The following SLC9B2 variants were observed in gnomAD, a reference collection of about 807,000 sequenced individuals.
The protein encoded by SLC9B2 is solute carrier family 9 member B2.
SLC9B2 carries 39 observed loss-of-function variants against 52.2 expected under a neutral mutation model. That is an observed-to-expected ratio of 0.75 (90% CI 0.58 to 0.98). SLC9B2 has a LOEUF of 0.98. Among genes scored for constraint, SLC9B2 ranks in the 50% least tolerant of loss-of-function variants. SLC9B2 has a pLI of 0.00. For missense variants in SLC9B2, 626 were observed against 637.5 expected, an observed-to-expected ratio of 0.98 and a Z score of 0.19; for synonymous variants, 214 against 227.0, an observed-to-expected ratio of 0.94 and a Z score of 0.51.
At chr4:103,046,759 G>GTCTCCACACAT (rs1335817124) in intron 7 of SLC9B2, among the ~76,000 whole-genome samples, 89 of 151,400 alleles carry the variant, frequency 5.9e-4, no homozygotes, top group Middle Eastern at 3.4e-3. Context: ...TTTGTGTGAA[G>GTCTCCACACAT]CCTGAACGTT....
At chr4:103,036,500 C>T (rs1394069404) in intron 9 of SLC9B2, among the ~76,000 whole-genome samples, 1 of 151,902 alleles carries the variant, frequency 6.6e-6, no homozygotes, top group East Asian at 1.9e-4. Context: ...ACATGTACCC[C>T]TTGAACCTAA....
intron 4 of SLC9B2, among the ~76,000 whole-genome samples, chr4:103,052,086 C>T (rs747148620): frequency 6.6e-6 from 1 of 152,220 alleles, no homozygotes; most frequent in Non-Finnish European, 1.5e-5. Context: ...AAGAGGTGAG[C>T]TAGACCAGCA....
At position 103,028,808 on chromosome 4, in the gene SLC9B2, C is replaced by T. The variant is rs773962645; in HGVS notation, c.1331G>A (p.Gly444Asp). 1 of 1,609,980 alleles carries T rather than the reference C, an allele frequency of 6.2e-7. No individual in the cohort carries two copies. Among genetic ancestry groups the T allele is most frequent in the East Asian group, 2.2e-5 (1 of 44,476 alleles). Residue 444 changes from glycine to aspartate, a missense_variant, in exon 11 of 12, where the codon GGT becomes GAT. By Grantham distance (94) the Gly-to-Asp change is moderately conservative. Coordinates refer to ENST00000394785, the MANE Select transcript of SLC9B2 (RefSeq NM_178833.7). ...LTTFLMVCFAGFNLKEKIFIS... is the reference protein window; with the variant it reads ...LTTFLMVCFADFNLKEKIFIS... ...AAATATCTTTTCTTTTAAGTTAAAACCAGCAAAACACACCATCAGAAATGT... is the reference window on the plus strand; with the variant it reads ...AAATATCTTTTCTTTTAAGTTAAAATCAGCAAAACACACCATCAGAAATGT...
chr4:103,028,894 T>C lies in SLC9B2; in HGVS notation c.1256-11A>G, dbSNP rs377038113. ...TGGCAACACAAAGGCCTGTAAGAAA[T>C]ATTCAATTTTTAGAAATAATAAAAT... On this transcript the variant is annotated splice_polypyrimidine_tract_variant and intron_variant, in intron 10 of 11. Coordinates refer to ENST00000394785, the MANE Select transcript of SLC9B2 (RefSeq NM_178833.7). 1.3e-6 allele frequency: 2 copies of C among 1,517,842 alleles called. No individual in the cohort carries two copies. The highest frequency in any genetic ancestry group is 2.9e-5 in the African/African-American group (2 of 68,914). 94.0% of individuals were successfully genotyped at this position (1,517,842 alleles called of 1,614,324 possible). A position where few individuals can be genotyped will look rare whatever the true frequency, so the allele number is the denominator to read the frequency against.
intron 7 of SLC9B2, 68 bp downstream of exon 7, chr4:103,046,983 G>T: frequency 1.3e-6 from 2 of 1,520,312 alleles, no homozygotes; most frequent in Non-Finnish European, 1.8e-6. Flanking sequence ...AATATGTCAT[G>T]CTTATAACAT....
chr4:103,035,248 T>G (rs1357875868), intron 9 of SLC9B2, among the ~76,000 whole-genome samples: 1 of 152,180 alleles, frequency 6.6e-6, no homozygotes, highest in Non-Finnish European at 1.5e-5. Flanking sequence ...GGTTTTCTGT[T>G]TCTGTGTTAG....
chr4:103,022,765 C>G lies in SLC9B2; in HGVS notation c.*3605G>C, dbSNP rs1741886598. Among the ~76,000 whole-genome samples, 1 of 152,138 alleles carries G rather than the reference C, an allele frequency of 6.6e-6. No homozygotes were observed. The highest frequency in any genetic ancestry group is 1.5e-5 in the Non-Finnish European group (1 of 68,024). ...TCCCCACACATTCATATGTTGAAGC[C>G]TTAACTTCCAATGTGATGTATTTAG... On this transcript the variant is annotated 3_prime_UTR_variant, in exon 12 of 12. Transcript: ENST00000394785.
intron 10 of SLC9B2, among the ~76,000 whole-genome samples, chr4:103,031,311 A>G (rs562254926): frequency 6.6e-6 from 1 of 152,290 alleles, no homozygotes; most frequent in African/African-American, 2.4e-5. Context: ...AGGCATTTCT[A>G]TCCCATGGGT....
intron 5 of SLC9B2, 82 bp downstream of exon 5, chr4:103,050,158 A>G: frequency 1.6e-6 from 2 of 1,249,526 alleles, no homozygotes; most frequent in Non-Finnish European, 2.1e-6. Context: ...TCCATTTCCT[A>G]ATGCTTAGTG....
chr4:103,062,257 C>T (rs1745716115), intron 3 of SLC9B2, among the ~76,000 whole-genome samples: 1 of 151,974 alleles, frequency 6.6e-6, no homozygotes, highest in Non-Finnish European at 1.5e-5. Context: ...CCCGTCTCTA[C>T]TAAATACAAA....
At chr4:103,073,374 T>C (rs1406256683) in intron 1 of SLC9B2, among the ~76,000 whole-genome samples, 3 of 152,308 alleles carry the variant, frequency 2.0e-5, no homozygotes, top group Middle Eastern at 6.8e-3. Flanking sequence ...TATTTCTACA[T>C]AGAACATACA....
At chr4:103,058,122 C>T in intron 3 of SLC9B2, 151 bp from the exon 4 acceptor site, 1 of 737,156 alleles carries the variant, frequency 1.4e-6, no homozygotes, top group Admixed American at 3.2e-5. Context: ...GTAAGATGAC[C>T]AACTGGGTAA....
intron 3 of SLC9B2, among the ~76,000 whole-genome samples, chr4:103,058,966 C>G (rs1395217123): frequency 6.6e-6 from 1 of 151,988 alleles, no homozygotes; most frequent in Non-Finnish European, 1.5e-5. Flanking sequence ...ACTCGGGAAG[C>G]TGAGGCAGGA....
At chr4:103,065,178 ACG>A (rs1345507048) in intron 3 of SLC9B2, among the ~76,000 whole-genome samples, 15 of 83,782 alleles carry the variant, frequency 1.8e-4, no homozygotes, top group Non-Finnish European at 2.5e-4. Context: ...ATGTACACAC[ACG>A]CACACACACA....
At chr4:103,056,278 G>A (rs1252564470) in intron 4 of SLC9B2, among the ~76,000 whole-genome samples, 5 of 150,648 alleles carry the variant, frequency 3.3e-5, no homozygotes, top group Admixed American at 6.6e-5. Context: ...ATGGAGTCTC[G>A]CTCTTGTCAC....
Position 103,049,005 on chromosome 4 carries a change from T to G in SLC9B2, c.601A>C (p.Lys201Gln), listed in dbSNP as rs1194551484. Residue 201 changes from lysine (K) to glutamine (Q), a missense_variant, in exon 6 of 12, where the codon AAG (lysine) becomes CAG (glutamine). By Grantham distance (53) the Lys-to-Gln change is moderately conservative. Coordinates refer to ENST00000394785, the MANE Select transcript of SLC9B2 (RefSeq NM_178833.7). ...ATGGACAGTCTTACACAAACGCCCTTTAACTTCTTCAGGGCCTGAAATAGA... is the reference window on the plus strand; with the variant it reads ...ATGGACAGTCTTACACAAACGCCCTGTAACTTCTTCAGGGCCTGAAATAGA... Reference protein sequence around the residue: ...GLDSKALKKLKGVCVRLSMGP... With the variant: ...GLDSKALKKLQGVCVRLSMGP... 1.2e-6 allele frequency: 2 copies of G among 1,613,618 alleles called. No homozygotes were observed. Among genetic ancestry groups the G allele is most frequent in the Non-Finnish European group, 1.7e-6 (2 of 1,179,706 alleles).
At chr4:103,075,198 G>C (rs1747006474) in intron 1 of SLC9B2, among the ~76,000 whole-genome samples, 1 of 151,980 alleles carries the variant, frequency 6.6e-6, no homozygotes, top group African/African-American at 2.4e-5. Context: ...CACCTAGGCT[G>C]GAGTGCAGTG....
At chr4:103,020,328 T>C (rs548632902), downstream of SLC9B2, 12 of 451,512 alleles carry the variant, frequency 2.7e-5, no homozygotes, top group African/African-American at 2.4e-4. Flanking sequence ...GCTGCGTTGA[T>C]GGTGGGCCCA....
At position 103,022,414 on chromosome 4, in the gene SLC9B2, T is replaced by C. The variant is rs1741852871; in HGVS notation, c.*3956A>G. On this transcript the variant is annotated 3_prime_UTR_variant, in exon 12 of 12. Coordinates refer to ENST00000394785, the MANE Select transcript of SLC9B2 (RefSeq NM_178833.7). The stretch of plus-strand genomic sequence containing the variant: ...GTTGCCTTTCACCCAACAAATTCAG[T>C]TGATGATATATCTTTCTGAAAATAA... Among the ~76,000 whole-genome samples the C allele has an allele frequency of 6.6e-6, 1 of 152,220 alleles. No individual in the cohort carries two copies. Among genetic ancestry groups the C allele is most frequent in the African/African-American group, 2.4e-5 (1 of 41,460 alleles).
Sources: allele counts gnomAD v4.1 joint callset (sites outside exome capture counted in the v4.1 genomes callset), GRCh38; gene constraint gnomAD v4.1.1; transcripts MANE v1.5; gene names NCBI Gene and HGNC (gene_info 2026-07-23, HGNC 2026-07-21).